The following SAR1A variants were observed in gnomAD, a reference collection of about 807,000 sequenced individuals.
SAR1A encodes the protein small COPII coat GTPase SAR1A.
SAR1A carries 6 observed loss-of-function variants against 22.6 expected under a neutral mutation model. The ratio of observed to expected loss-of-function variants is 0.27; its 90% CI spans 0.15 to 0.52. SAR1A has a LOEUF of 0.52. Among genes scored for constraint, SAR1A ranks in the 20% least tolerant of loss-of-function variants. SAR1A has a pLI of 0.96. For synonymous variants in SAR1A, 70 were observed against 82.2 expected (o/e 0.85, Z 0.80); for missense variants, 145 against 245.1 (o/e 0.59, Z 2.73).
Position 70,157,104 on chromosome 10 carries a change from T to C in SAR1A, c.348+660A>G, listed in dbSNP as rs139690711. 6.1e-3 allele frequency among the ~76,000 whole-genome samples: 935 copies of C among 152,244 alleles called. 1 individual carries two copies. The highest frequency in any genetic ancestry group is 0.015 in the South Asian group (74 of 4,818). On this transcript the variant is annotated intron_variant, in intron 5 of 6. Coordinates refer to ENST00000373241, the MANE Select transcript of SAR1A (RefSeq NM_020150.5). The stretch of plus-strand genomic sequence containing the variant: ...GCTTTCACTATGCCAACACTACTTA[T>C]AAAGAATTACTGTTCATGGGCCAGG...
At chr10:70,163,705 G>A (rs878918300) in intron 1 of SAR1A, 1 of 786,732 alleles carries the variant, frequency 1.3e-6, no homozygotes, top group Non-Finnish European at 2.3e-6. Context: ...AACTGACTGA[G>A]GAGCAGATTG....
chr10:70,167,667 T>C (rs1308678985), intron 1 of SAR1A: 1 of 151,974 alleles, frequency 6.6e-6, no homozygotes, highest in Non-Finnish European at 1.5e-5. Context: ...AATTACTGGG[T>C]TTTTATCAGG....
Position 70,151,654 on chromosome 10 carries a change from G to A in SAR1A, c.*822C>T, listed in dbSNP as rs1839328698. On this transcript the variant is annotated 3_prime_UTR_variant, in exon 7 of 7. Coordinates refer to ENST00000373241, the MANE Select transcript of SAR1A (RefSeq NM_020150.5). ...ATAACTGAAAACGAAAAAGGAAGGT[G>A]CTATAGAGAGAAATTAAATTTCACA... The A allele has an allele frequency of 6.6e-6, 1 of 152,618 alleles. No homozygotes were observed. Among genetic ancestry groups the A allele is most frequent in the Non-Finnish European group, 1.5e-5 (1 of 68,038 alleles). The allele number at this position is 152,618 out of a possible 1,614,324, so 9.5% of individuals were successfully genotyped here.
intron 3 of SAR1A, 66 bp from the exon 4 acceptor site, chr10:70,161,135 T>G: frequency 9.1e-7 from 1 of 1,100,552 alleles, no homozygotes; most frequent in Non-Finnish European, 1.4e-6. Flanking sequence ...ACTAGTACTA[T>G]AAGCCAATAT....
At chr10:70,155,461 G>C (rs1839376160) in intron 5 of SAR1A, among the ~76,000 whole-genome samples, 2 of 152,310 alleles carry the variant, frequency 1.3e-5, no homozygotes, top group South Asian at 4.1e-4. Context: ...TCCAGGAAAT[G>C]TTACACAAAA....
Position 70,149,941 on chromosome 10 carries a change from C to G in SAR1A, c.*2535G>C, listed in dbSNP as rs1202805382. On this transcript the variant is annotated 3_prime_UTR_variant, in exon 7 of 7. Coordinates refer to ENST00000373241, the MANE Select transcript of SAR1A (RefSeq NM_020150.5). ...GTTAATATAGATTTTGCTCAAACAT[C>G]TGCCATCCCCATCCTGTTGCAGAGA... 1.3e-5 allele frequency: 2 copies of G among 152,178 alleles called. No individual in the cohort carries two copies. The highest frequency in any genetic ancestry group is 4.8e-5 in the African/African-American group (2 of 41,412). 9.4% of individuals were successfully genotyped at this position (152,178 alleles called of 1,614,324 possible). A position where few individuals can be genotyped will look rare whatever the true frequency, so the allele number is the denominator to read the frequency against.
At chr10:70,156,489 C>A (rs968232072) in intron 5 of SAR1A, among the ~76,000 whole-genome samples, 1 of 151,880 alleles carries the variant, frequency 6.6e-6, no homozygotes. Flanking sequence ...CATAATGAGA[C>A]CCTGTCTCTA....
intron 5 of SAR1A, chr10:70,154,937 T>G: frequency 2.9e-6 from 1 of 346,098 alleles, no homozygotes; most frequent in East Asian, 7.9e-5. Flanking sequence ...AAGGGCAGGG[T>G]TTGGATAGGT....
intron 1 of SAR1A, among the ~76,000 whole-genome samples, chr10:70,169,916 C>T (rs1839603470): frequency 6.6e-6 from 1 of 152,162 alleles, no homozygotes; most frequent in Non-Finnish European, 1.5e-5. Flanking sequence ...CCCGGGCCAT[C>T]GGAAGACAAC....
At chr10:70,169,590 C>T (rs1334753396) in intron 1 of SAR1A, among the ~76,000 whole-genome samples, 1 of 152,168 alleles carries the variant, frequency 6.6e-6, no homozygotes, top group South Asian at 2.1e-4. Context: ...TAAAAATTTA[C>T]GCATTACTTG....
rs541093770 is a variant in SAR1A at position 70,155,820 on chromosome 10, A to G, written c.349-1851T>C. On this transcript the variant is annotated intron_variant, in intron 5 of 6. Coordinates refer to ENST00000373241, the MANE Select transcript of SAR1A (RefSeq NM_020150.5). Reference sequence around the variant, plus strand: ...TACTTGTGCATATTCAAGGATGGCTAAGTTGTTTGTTTGGAATATAGTTCA... The same window carrying G: ...TACTTGTGCATATTCAAGGATGGCTGAGTTGTTTGTTTGGAATATAGTTCA... 7.7e-4 allele frequency among the ~76,000 whole-genome samples: 117 copies of G among 152,312 alleles called. 1 individual carries two copies. Among genetic ancestry groups the G allele is most frequent in the African/African-American group, 2.6e-3 (109 of 41,568 alleles).
intron 4 of SAR1A, among the ~76,000 whole-genome samples, chr10:70,158,796 T>G (rs1206330409): frequency 6.6e-6 from 1 of 150,516 alleles, no homozygotes; most frequent in Non-Finnish European, 1.5e-5. Context: ...TACAGTACTT[T>G]AGTAACTTTT....
At chr10:70,159,568 T>C (rs1027603192) in intron 4 of SAR1A, among the ~76,000 whole-genome samples, 2 of 151,990 alleles carry the variant, frequency 1.3e-5, no homozygotes, top group African/African-American at 4.8e-5. Context: ...GCCCAGGAAG[T>C]AGAGGTTGCA....
chr10:70,161,516 G>A, intron 3 of SAR1A, 103 bp downstream of exon 3: 1 of 1,401,790 alleles, frequency 7.1e-7, no homozygotes, highest in Non-Finnish European at 9.7e-7. Context: ...GTTGGCTTTT[G>A]GGACTTCAGT....
chr10:70,162,184 T>TA (rs1839477302), intron 1 of SAR1A, among the ~76,000 whole-genome samples: 3 of 151,220 alleles, frequency 2.0e-5, no homozygotes, highest in Non-Finnish European at 2.9e-5. Context: ...TACAAATAAC[T>TA]AAAAAAATAG....
chr10:70,165,671 G>A (rs899817272), intron 1 of SAR1A, among the ~76,000 whole-genome samples: 7 of 152,204 alleles, frequency 4.6e-5, no homozygotes, highest in Admixed American at 1.3e-4. Context: ...TCTAGTCCTG[G>A]TGAAGATGCT....
intron 3 of SAR1A, 148 bp from the exon 4 acceptor site, chr10:70,161,217 A>G (rs1343374653): frequency 6.4e-6 from 4 of 628,342 alleles, no homozygotes; most frequent in Non-Finnish European, 1.1e-5. Context: ...AGTTCCAGCT[A>G]CTCAGGAGGC....
At chr10:70,154,381 G>A (rs958390076) in intron 5 of SAR1A, among the ~76,000 whole-genome samples, 2 of 152,146 alleles carry the variant, frequency 1.3e-5, no homozygotes, top group Non-Finnish European at 2.9e-5. Flanking sequence ...CATTGTGTGC[G>A]AAGAACTCTC....
intron 1 of SAR1A, among the ~76,000 whole-genome samples, chr10:70,165,678 T>A (rs996059258): frequency 6.6e-6 from 1 of 152,234 alleles, no homozygotes; most frequent in Non-Finnish European, 1.5e-5. Flanking sequence ...CTGGTGAAGA[T>A]GCTATGAATA....
Sources: gnomAD v4.1 joint callset for allele counts (sites outside exome capture counted in the v4.1 genomes callset) on GRCh38, gnomAD v4.1.1 for gene constraint, MANE v1.5 for transcripts, NCBI Gene and HGNC (gene_info 2026-07-23, HGNC 2026-07-21) for gene names.